Variants in WDR70 observed in about 807,000 individuals in gnomAD.
WDR70 encodes WD repeat domain 70.
Under a neutral mutation model 88.6 loss-of-function variants are expected in WDR70, and 53 were observed. The ratio of observed to expected loss-of-function variants is 0.60; its 90% CI spans 0.48 to 0.75. The LOEUF (loss-of-function observed/expected upper bound fraction) is 0.75, where lower values mean the gene tolerates loss of function less well. WDR70 is among the 30% of genes least tolerant of loss of function. The pLI, the probability that WDR70 is intolerant of heterozygous loss-of-function variation, is 0.00. For synonymous variants in WDR70, 280 were observed against 270.0 expected, an observed-to-expected ratio of 1.04 and a Z score of -0.36; for missense variants, 610 against 823.2, an observed-to-expected ratio of 0.74 and a Z score of 3.17.
chr5:37,673,774 C>T (rs1305518916), intron 10 of WDR70, among the ~76,000 whole-genome samples: 1 of 151,978 alleles, frequency 6.6e-6, no homozygotes. Flanking sequence ...TCACCCATGC[C>T]CCCTAACAAC....
chr5:37,559,408 A>T (rs567290629), intron 9 of WDR70, among the ~76,000 whole-genome samples: 1 of 151,768 alleles, frequency 6.6e-6, no homozygotes, highest in South Asian at 2.1e-4. Context: ...TTCCTCTCTC[A>T]TGCTTTTTCC....
chr5:37,481,677 G>A (rs1739675050), intron 8 of WDR70, among the ~76,000 whole-genome samples: 1 of 152,162 alleles, frequency 6.6e-6, no homozygotes, highest in African/African-American at 2.4e-5. Flanking sequence ...ATGCCCTGGA[G>A]ACATTTGCCC....
At chr5:37,388,332 G>A (rs1411961059) in intron 3 of WDR70, among the ~76,000 whole-genome samples, 2 of 150,724 alleles carry the variant, frequency 1.3e-5, no homozygotes, top group South Asian at 2.1e-4. Context: ...TGGCCAGGCC[G>A]GTCTCGAACT....
At chr5:37,599,735 T>C (rs1743807407) in intron 9 of WDR70, among the ~76,000 whole-genome samples, 1 of 151,734 alleles carries the variant, frequency 6.6e-6, no homozygotes, top group Non-Finnish European at 1.5e-5. Context: ...CTACTAAAAA[T>C]ACAAAAAATT....
intron 10 of WDR70, among the ~76,000 whole-genome samples, chr5:37,665,478 G>A (rs144428392): frequency 3.3e-5 from 5 of 152,274 alleles, no homozygotes; most frequent in East Asian, 1.9e-4. Flanking sequence ...CTGCACAGGC[G>A]CAGAAACAGA....
intron 10 of WDR70, among the ~76,000 whole-genome samples, chr5:37,691,749 G>C (rs1243806929): frequency 1.3e-5 from 2 of 152,142 alleles, no homozygotes; most frequent in East Asian, 3.9e-4. Flanking sequence ...ATGCCCACAA[G>C]AGAAAGCAGG....
intron 9 of WDR70, among the ~76,000 whole-genome samples, chr5:37,557,064 A>T (rs1742312255): frequency 6.6e-6 from 1 of 152,112 alleles, no homozygotes; most frequent in Admixed American, 6.6e-5. Context: ...TGAGATTTTG[A>T]TTTTAGACCT....
At chr5:37,701,309 C>T (rs1024494126) in intron 12 of WDR70, among the ~76,000 whole-genome samples, 167 bp downstream of exon 12, 3 of 152,074 alleles carry the variant, frequency 2.0e-5, no homozygotes, top group African/African-American at 7.2e-5. Flanking sequence ...TTATTTTTCA[C>T]ATTCCTCAGA....
chr5:37,673,583 A>ACCCCCCCCCCCC (rs139281997), intron 10 of WDR70, among the ~76,000 whole-genome samples: 3 of 76,228 alleles, frequency 3.9e-5, no homozygotes, highest in African/African-American at 5.4e-5. Flanking sequence ...GACTTTTCTT[A>ACCCCCCCCCCCC]CCCCCCCCCC....
intron 3 of WDR70, among the ~76,000 whole-genome samples, chr5:37,382,557 G>T (rs1345184303): frequency 6.7e-6 from 1 of 150,128 alleles, no homozygotes; most frequent in Non-Finnish European, 1.5e-5. Context: ...GACTACAGGT[G>T]TACGCCACCA....
intron 9 of WDR70, among the ~76,000 whole-genome samples, chr5:37,526,098 A>G (rs974658501): frequency 3.9e-5 from 6 of 152,226 alleles, no homozygotes; most frequent in African/African-American, 1.4e-4. Flanking sequence ...GTTCGAATCA[A>G]TGGAAAAAGA....
intron 9 of WDR70, among the ~76,000 whole-genome samples, chr5:37,521,219 G>C (rs1741074647): frequency 1.3e-5 from 2 of 152,220 alleles, no homozygotes; most frequent in Admixed American, 1.3e-4. Flanking sequence ...TTTCCAGGCT[G>C]TGTAAATTAG....
chr5:37,613,461 C>T (rs980795398), intron 10 of WDR70, among the ~76,000 whole-genome samples: 11 of 152,132 alleles, frequency 7.2e-5, no homozygotes, highest in African/African-American at 2.2e-4. Flanking sequence ...AAACCTTAGC[C>T]ATGGTAGGAG....
rs1036755610 is a variant in WDR70 at position 37,535,509 on chromosome 5, A to G, written c.917+18919A>G. Among the ~76,000 whole-genome samples the G allele has an allele frequency of 2.0e-5, 3 of 152,324 alleles. No individual in the cohort carries two copies. The South Asian group carries it at 6.2e-4, about 32-fold the overall frequency. On this transcript the variant is annotated intron_variant, in intron 9 of 17. Transcript: ENST00000265107. The stretch of plus-strand genomic sequence containing the variant: ...AAGTAATGACAAGCCAAGCCATTGA[A>G]GAGTACTAAATCTGTACTGTATTTT...
chr5:37,687,034 T>C (rs1055025149), intron 10 of WDR70, among the ~76,000 whole-genome samples: 1 of 151,964 alleles, frequency 6.6e-6, no homozygotes, highest in African/African-American at 2.4e-5. Context: ...TAAAGAACGA[T>C]ATTCTTTGCT....
chr5:37,626,317 C>G (rs377378780), intron 10 of WDR70, among the ~76,000 whole-genome samples: 2 of 152,140 alleles, frequency 1.3e-5, no homozygotes, highest in African/African-American at 4.8e-5. Flanking sequence ...GAGTTTTTAT[C>G]ATGAAACGAT....
intron 4 of WDR70, among the ~76,000 whole-genome samples, chr5:37,393,040 T>C (rs1748893409): frequency 6.6e-6 from 1 of 152,082 alleles, no homozygotes; most frequent in South Asian, 2.1e-4. Flanking sequence ...TGATGTTTTG[T>C]TATTCTTTTT....
intron 10 of WDR70, among the ~76,000 whole-genome samples, chr5:37,629,333 A>C (rs7737210): frequency 0.048 from 7,368 of 152,252 alleles, 584 homozygotes; most frequent in African/African-American, 0.16. Flanking sequence ...CCCAAGACTC[A>C]GGAAATTTTC....
chr5:37,596,722 AT>A (rs1159550855), intron 9 of WDR70, among the ~76,000 whole-genome samples: 1 of 152,244 alleles, frequency 6.6e-6, no homozygotes, highest in Admixed American at 6.5e-5. Flanking sequence ...ATATATGTAT[AT>A]TGCATATATA....
Sources: allele counts gnomAD v4.1 joint callset (sites outside exome capture counted in the v4.1 genomes callset), GRCh38; gene constraint gnomAD v4.1.1; transcripts MANE v1.5; gene names NCBI Gene and HGNC (gene_info 2026-07-23, HGNC 2026-07-21).